Variants in PSD3 observed in about 807,000 individuals in gnomAD.
PSD3 encodes PH and SEC7 domain-containing protein 3.
In PSD3, 49 loss-of-function variants were observed where a neutral mutation model predicts 105.5. That is an observed-to-expected ratio of 0.46 (90% CI 0.37 to 0.59). PSD3 has a LOEUF of 0.59. Ranked by LOEUF, PSD3 falls within the 20% of genes least tolerant of loss-of-function variation. The pLI is 0.00. For synonymous variants in PSD3, 557 were observed against 457.8 expected (o/e 1.22, Z -2.77); for missense variants, 1,561 against 1,263.8 (o/e 1.24, Z -3.57).
At chr8:18,663,134 C>A (rs1269489101) in intron 9 of PSD3, among the ~76,000 whole-genome samples, 1 of 152,064 alleles carries the variant, frequency 6.6e-6, no homozygotes, top group East Asian at 1.9e-4. Flanking sequence ...CAAAATCAAA[C>A]CTGAAAGTGA....
intron 12 of PSD3, among the ~76,000 whole-genome samples, chr8:18,586,415 G>C (rs1477807710): frequency 1.3e-5 from 2 of 152,128 alleles, no homozygotes; most frequent in Non-Finnish European, 2.9e-5. Flanking sequence ...AATTATTCTT[G>C]AATTGTTCTA....
At chr8:18,671,838 A>C in intron 9 of PSD3, among the ~76,000 whole-genome samples, 1 of 152,134 alleles carries the variant, frequency 6.6e-6, no homozygotes, top group South Asian at 2.1e-4. Flanking sequence ...TCACCGTGTT[A>C]GCCAGAATGG....
intron 14 of PSD3, among the ~76,000 whole-genome samples, chr8:18,560,459 T>C (rs1801332265): frequency 6.6e-6 from 1 of 152,102 alleles, no homozygotes; most frequent in Non-Finnish European, 1.5e-5. Flanking sequence ...ATTTCAGAGA[T>C]GGCAGAAAAA....
At chr8:18,738,841 C>CA (rs1459846269) in intron 9 of PSD3, among the ~76,000 whole-genome samples, 27 of 150,636 alleles carry the variant, frequency 1.8e-4, no homozygotes, top group South Asian at 1.5e-3. Flanking sequence ...AAAACAAAAA[C>CA]AAAAAAAACA....
At chr8:18,801,217 A>C in intron 7 of PSD3, 53 bp downstream of exon 7, 1 of 1,135,214 alleles carries the variant, frequency 8.8e-7, no homozygotes, top group South Asian at 1.4e-5. Context: ...TTTCATAATA[A>C]GGAAAATAAC....
intron 2 of PSD3, among the ~76,000 whole-genome samples, chr8:18,889,749 T>C (rs1818666095): frequency 2.0e-5 from 3 of 152,172 alleles, no homozygotes; most frequent in Admixed American, 2.0e-4. Context: ...GTCATTTCCA[T>C]GTCTGGATGT....
intron 9 of PSD3, among the ~76,000 whole-genome samples, chr8:18,764,770 A>G (rs1038397657): frequency 6.6e-6 from 1 of 152,234 alleles, no homozygotes; most frequent in Non-Finnish European, 1.5e-5. Flanking sequence ...CAAAAAGACA[A>G]CTGTAAAAAC....
rs1021541797 is a variant in PSD3, at chr8:18,732,057, G to A, written c.2172+33392C>T. On this transcript the variant is annotated intron_variant, in intron 9 of 15. Coordinates refer to ENST00000327040, the MANE Select transcript of PSD3 (RefSeq NM_015310.4). ...ATTTTCTGTCTCTCATATACAACTA[G>A]AAGAAAATGGTATCACTGTGCCCCT... is the stretch of plus-strand genomic sequence containing the variant. Among the ~76,000 whole-genome samples, 13 of 152,058 alleles carry A rather than the reference G, an allele frequency of 8.5e-5. No individual in the cohort carries two copies. In the East Asian group the frequency reaches 9.7e-4, roughly 11 times the overall value.
intron 4 of PSD3, among the ~76,000 whole-genome samples, chr8:18,821,635 A>G (rs537562972): frequency 3.9e-5 from 6 of 151,942 alleles, no homozygotes; most frequent in African/African-American, 1.4e-4. Context: ...ACTGCTGCAG[A>G]TAATATTAAA....
At chr8:18,671,700 C>A (rs543666048) in intron 9 of PSD3, among the ~76,000 whole-genome samples, 1 of 151,800 alleles carries the variant, frequency 6.6e-6, no homozygotes, top group East Asian at 1.9e-4. Context: ...TGCGCGATCT[C>A]CGCTCACTGC....
chr8:18,645,529 C>T (rs1291198867), intron 10 of PSD3, among the ~76,000 whole-genome samples: 1 of 152,152 alleles, frequency 6.6e-6, no homozygotes, highest in African/African-American at 2.4e-5. Context: ...ATATCCTTTA[C>T]ATAACCACTA....
At chr8:18,650,987 T>A (rs538289811) in intron 10 of PSD3, among the ~76,000 whole-genome samples, 1 of 152,218 alleles carries the variant, frequency 6.6e-6, no homozygotes, top group Non-Finnish European at 1.5e-5. Flanking sequence ...TGATGAACAC[T>A]TCTTGACTTA....
chr8:18,758,910 C>G (rs1172422166), intron 9 of PSD3, among the ~76,000 whole-genome samples: 1 of 152,034 alleles, frequency 6.6e-6, no homozygotes, highest in Non-Finnish European at 1.5e-5. Context: ...TTTGAGAAAG[C>G]AAGGGAAAAC....
chr8:18,839,238 C>A (rs1814408868), intron 4 of PSD3, among the ~76,000 whole-genome samples: 1 of 152,098 alleles, frequency 6.6e-6, no homozygotes, highest in African/African-American at 2.4e-5. Context: ...TCTGGCATTA[C>A]CAATACAGAG....
chr8:18,565,254 G>A (rs1054484481), intron 14 of PSD3, among the ~76,000 whole-genome samples: 1 of 152,206 alleles, frequency 6.6e-6, no homozygotes, highest in Non-Finnish European at 1.5e-5. Context: ...AGAAAGGGAG[G>A]TTGTGAGCAG....
intron 1 of PSD3, among the ~76,000 whole-genome samples, chr8:19,080,352 T>G (rs1829602994): frequency 6.6e-6 from 1 of 152,186 alleles, no homozygotes; most frequent in Admixed American, 6.5e-5. Context: ...CAGAACTAGT[T>G]TGTCAGCAAA....
In PSD3 at chr8:18,534,973, C is replaced by T. The variant is rs1263062811; in HGVS notation, c.*770G>A. 2.0e-5 allele frequency: 3 copies of T among 152,658 alleles called. No homozygotes were observed. The highest frequency in any genetic ancestry group is 6.5e-5 in the Admixed American group (1 of 15,302). The allele number at this position is 152,658 out of a possible 1,614,324, so 9.5% of individuals were successfully genotyped here. A position where few individuals can be genotyped will look rare whatever the true frequency, so the allele number is the denominator to read the frequency against. ...CCTACTGCTGCAGCTCCTCAAGGGC[C>T]GATTATTGCCCCCATCCTTTAGCAA... On this transcript the variant is annotated 3_prime_UTR_variant, in exon 16 of 16. Transcript: ENST00000327040.
At chr8:18,753,759 A>C (rs1302311483) in intron 9 of PSD3, among the ~76,000 whole-genome samples, 1 of 152,132 alleles carries the variant, frequency 6.6e-6, no homozygotes, top group East Asian at 1.9e-4. Context: ...CAATCTTTCC[A>C]ATCTATTTCA....
chr8:18,543,290 T>C (rs1279051447), intron 15 of PSD3, among the ~76,000 whole-genome samples: 1 of 152,154 alleles, frequency 6.6e-6, no homozygotes, highest in African/African-American at 2.4e-5. Flanking sequence ...TATTTCTTTA[T>C]TAAGCTGATC....
Sources: gnomAD v4.1 joint callset for allele counts (sites outside exome capture counted in the v4.1 genomes callset) on GRCh38, gnomAD v4.1.1 for gene constraint, MANE v1.5 for transcripts, NCBI Gene and HGNC (gene_info 2026-07-23, HGNC 2026-07-21) for gene names.